The following CDH18 variants were observed in gnomAD, a reference collection of about 807,000 sequenced individuals.
CDH18 encodes cadherin 18, also known as cadherin-18.
A neutral mutation model predicts 67.9 loss-of-function variants in CDH18; 31 were observed. The ratio of observed to expected loss-of-function variants is 0.46; its 90% CI spans 0.34 to 0.62. The LOEUF (loss-of-function observed/expected upper bound fraction) is 0.62. CDH18 is among the 20% of genes least tolerant of loss of function. The probability of loss-of-function intolerance (pLI) is 0.01; values close to 1 mark genes in which losing one functional copy is unlikely to be tolerated. For synonymous variants in CDH18, 362 were observed against 347.2 expected, an observed-to-expected ratio of 1.04 and a Z score of -0.48; for missense variants, 890 against 975.5, an observed-to-expected ratio of 0.91 and a Z score of 1.17.
intron 2 of CDH18, among the ~76,000 whole-genome samples, chr5:20,034,524 T>C (rs112703614): frequency 9.3e-4 from 141 of 152,164 alleles, no homozygotes; most frequent in African/African-American, 3.3e-3. Context: ...TTTGAATCAG[T>C]GGACTGTGTA....
chr5:19,849,443 T>C (rs1279445235), intron 2 of CDH18, among the ~76,000 whole-genome samples: 1 of 151,698 alleles, frequency 6.6e-6, no homozygotes, highest in Non-Finnish European at 1.5e-5. Flanking sequence ...TAGAGAACAA[T>C]GTGTTTTAAG....
chr5:20,400,938 G>A (rs1745714550), intron 1 of CDH18, among the ~76,000 whole-genome samples: 6 of 152,084 alleles, frequency 3.9e-5, no homozygotes, highest in Admixed American at 3.3e-4. Flanking sequence ...CATTCATAGT[G>A]CCCATTCAGA....
intron 1 of CDH18, among the ~76,000 whole-genome samples, chr5:20,424,707 A>G (rs1422266024): frequency 7.1e-6 from 1 of 141,590 alleles, no homozygotes; most frequent in Non-Finnish European, 1.5e-5. Flanking sequence ...AGATACCACC[A>G]CTACACTCCA....
chr5:19,670,865 C>T (rs1208031932), intron 5 of CDH18, among the ~76,000 whole-genome samples: 1 of 151,886 alleles, frequency 6.6e-6, no homozygotes, highest in Non-Finnish European at 1.5e-5. Context: ...TTTGATGATG[C>T]TAGACTAAAT....
chr5:19,895,344 T>C (rs772581338), intron 2 of CDH18, among the ~76,000 whole-genome samples: 18 of 152,176 alleles, frequency 1.2e-4, no homozygotes, highest in Non-Finnish European at 2.1e-4. Flanking sequence ...TTTAAGGTCA[T>C]ACTTTTTATA....
chr5:20,374,669 T>G (rs567211124), intron 1 of CDH18, among the ~76,000 whole-genome samples: 4 of 152,180 alleles, frequency 2.6e-5, no homozygotes, highest in Non-Finnish European at 5.9e-5. Flanking sequence ...ATCTGCTAAG[T>G]TGAACAAATA....
intron 5 of CDH18, among the ~76,000 whole-genome samples, chr5:19,695,918 A>C (rs1394241220): frequency 6.6e-6 from 1 of 152,212 alleles, no homozygotes; most frequent in Non-Finnish European, 1.5e-5. Flanking sequence ...TCTATTATCA[A>C]ATAAGATGAT....
intron 12 of CDH18, among the ~76,000 whole-genome samples, chr5:19,481,153 G>A (rs553416059): frequency 6.6e-6 from 1 of 152,030 alleles, no homozygotes; most frequent in Non-Finnish European, 1.5e-5. Context: ...ACTGTCCTCT[G>A]CTATCTCATC....
chr5:20,265,238 T>C (rs1744942566), intron 1 of CDH18, among the ~76,000 whole-genome samples: 1 of 152,130 alleles, frequency 6.6e-6, no homozygotes, highest in African/African-American at 2.4e-5. Flanking sequence ...AGACAAACTT[T>C]TTTTTCCTGG....
chr5:20,101,640 G>A (rs1746477023), intron 2 of CDH18, among the ~76,000 whole-genome samples: 1 of 152,150 alleles, frequency 6.6e-6, no homozygotes, highest in Non-Finnish European at 1.5e-5. Context: ...AATCACTGAA[G>A]CCAGGATTAA....
At chr5:19,504,083 G>C (rs1035777578) in intron 10 of CDH18, among the ~76,000 whole-genome samples, 6 of 152,014 alleles carry the variant, frequency 3.9e-5, no homozygotes, top group Non-Finnish European at 8.8e-5. Flanking sequence ...GGATATCACA[G>C]TTAAAACTTA....
chr5:20,336,724 C>CAAAAAAAAAAAAAAAAAAAAAA (rs59083214), intron 1 of CDH18, among the ~76,000 whole-genome samples: 6 of 63,478 alleles, frequency 9.5e-5, no homozygotes, highest in Non-Finnish European at 1.4e-4. Context: ...GCCTCTGTCT[C>CAAAAAAAAAAAAAAAAAAAAAA]AAAAAAAAAA....
chr5:20,246,312 T>C (rs77762737), intron 2 of CDH18, among the ~76,000 whole-genome samples: 3,746 of 152,264 alleles, frequency 0.025, 163 homozygotes, highest in African/African-American at 0.084. Flanking sequence ...ATATCAATGA[T>C]GGCTTACTGT....
intron 2 of CDH18, among the ~76,000 whole-genome samples, chr5:20,062,970 C>T (rs944707122): frequency 1.4e-5 from 2 of 142,354 alleles, no homozygotes; most frequent in African/African-American, 5.2e-5. Flanking sequence ...GCATTTAGTC[C>T]AATATGCTTC....
intron 1 of CDH18, among the ~76,000 whole-genome samples, chr5:20,413,128 A>G (rs1746938461): frequency 6.6e-6 from 1 of 152,222 alleles, no homozygotes. Flanking sequence ...ATGTCCCTAC[A>G]AAGGACATGA....
intron 1 of CDH18, among the ~76,000 whole-genome samples, chr5:20,443,683 A>T (rs989579396): frequency 2.0e-5 from 3 of 151,870 alleles, no homozygotes. Flanking sequence ...CTTAGTTTTT[A>T]AATATTGCCT....
Position 19,544,025 on chromosome 5 carries a change from T to C in CDH18, c.1254-20A>G, listed in dbSNP as rs1735887690. 1.4e-6 allele frequency: 2 copies of C among 1,443,472 alleles called. No individual in the cohort carries two copies. The highest frequency in any genetic ancestry group is 1.9e-5 in the Admixed American group (1 of 51,830). 89.4% of individuals were successfully genotyped at this position (1,443,472 alleles called of 1,614,324 possible). On this transcript the variant is annotated intron_variant, in intron 8 of 12. Coordinates refer to ENST00000382275, the MANE Select transcript of CDH18 (RefSeq NM_004934.5). The stretch of plus-strand genomic sequence containing the variant: ...AAGTATCTAGAGAAAAAAAGAGAAG[T>C]TTTTACTTGATGTTATAATGAAGAA...
chr5:19,736,769 A>T (rs1237635790), intron 4 of CDH18, among the ~76,000 whole-genome samples: 1 of 152,180 alleles, frequency 6.6e-6, no homozygotes, highest in Non-Finnish European at 1.5e-5. Flanking sequence ...GAAAGGTCGC[A>T]ACTTCCACAA....
At chr5:20,003,291 C>T (rs181627201) in intron 2 of CDH18, among the ~76,000 whole-genome samples, 2 of 151,848 alleles carry the variant, frequency 1.3e-5, no homozygotes, top group East Asian at 3.9e-4. Flanking sequence ...CAGTATGTGG[C>T]TGTGTTTGTG....
Sources: gnomAD v4.1 joint callset for allele counts (sites outside exome capture counted in the v4.1 genomes callset) on GRCh38, gnomAD v4.1.1 for gene constraint, MANE v1.5 for transcripts, NCBI Gene and HGNC (gene_info 2026-07-23, HGNC 2026-07-21) for gene names.